Variants in DNAH5 observed in about 807,000 individuals in gnomAD.
The protein encoded by DNAH5 is dynein axonemal heavy chain 5.
DNAH5 carries 372 observed loss-of-function variants against 518.2 expected under a neutral mutation model. That is an observed-to-expected ratio of 0.72 (90% CI 0.66 to 0.78). DNAH5 has a LOEUF of 0.78. DNAH5 is among the 30% of genes least tolerant of loss of function. DNAH5 has a pLI of 0.00. For missense variants in DNAH5, 5,523 were observed against 5,687.0 expected, an observed-to-expected ratio of 0.97 and a Z score of 0.93; for synonymous variants, 2,039 against 2,025.9, an observed-to-expected ratio of 1.01 and a Z score of -0.17.
chr5:13,753,495 T>C lies in DNAH5; in HGVS notation c.10610A>G (p.Glu3537Gly), dbSNP rs1225937021. ...GTCATTTAACAGAAGATCACGAAAC[T>C]CTTGGTTAAATGGACCAGAATAAGA... Reference protein sequence around the residue: ...FLSYSGPFNQEFRDLLLNDWR... With the variant: ...FLSYSGPFNQGFRDLLLNDWR... Residue 3537 changes from glutamate (E) to glycine (G), a missense_variant, in exon 63 of 79, where the codon GAG becomes GGG. Transcript: ENST00000265104. 10 of 1,613,924 alleles carry C rather than the reference T, an allele frequency of 6.2e-6. No homozygotes were observed. Among genetic ancestry groups the C allele is most frequent in the African/African-American group, 1.3e-5 (1 of 74,914 alleles).
intron 65 of DNAH5, among the ~76,000 whole-genome samples, chr5:13,743,558 A>G (rs1748908344): frequency 6.6e-6 from 1 of 152,002 alleles, no homozygotes; most frequent in Non-Finnish European, 1.5e-5. Context: ...AAGCAGTTAC[A>G]AACTATTTAT....
In DNAH5 at chr5:13,735,743, G is replaced by A. The variant is rs193132831; in HGVS notation, c.11570+75C>T. On this transcript the variant is annotated intron_variant, in intron 67 of 78. Coordinates refer to ENST00000265104, the MANE Select transcript of DNAH5 (RefSeq NM_001369.3). ...AAGACTCTTACTAACAAAGGAGAAGGAAGTTATAAATGTAATGTCATCATT... is the reference window on the plus strand; with the variant it reads ...AAGACTCTTACTAACAAAGGAGAAGAAAGTTATAAATGTAATGTCATCATT... 1,068 of 1,112,266 alleles carry A rather than the reference G, an allele frequency of 9.6e-4. 9 individuals are homozygous for A. The African/African-American group carries it at 0.014, about 15-fold the overall frequency. 68.9% of individuals were successfully genotyped at this position (1,112,266 alleles called of 1,614,324 possible). A position where few individuals can be genotyped will look rare whatever the true frequency, so the allele number is the denominator to read the frequency against.
intron 2 of DNAH5, among the ~76,000 whole-genome samples, chr5:13,930,876 G>C (rs1237704285): frequency 6.6e-6 from 1 of 152,190 alleles, no homozygotes; most frequent in African/African-American, 2.4e-5. Flanking sequence ...TGCAGACAAT[G>C]CCATCAGAAT....
chr5:13,798,736 TTTATTTTATTTATTTATTTATTTATTTA>T lies in DNAH5; in HGVS notation c.7888-4706_7888-4679del, dbSNP rs1180421205. 3.0e-4 allele frequency among the ~76,000 whole-genome samples: 32 copies of T among 108,266 alleles called. 1 individual carries two copies. Among genetic ancestry groups the T allele is most frequent in the African/African-American group, 9.9e-4 (31 of 31,312 alleles). 71.0% of individuals were successfully genotyped at this position (108,266 alleles called of 152,430 possible). On this transcript the variant is annotated intron_variant, in intron 47 of 78. Transcript: ENST00000265104. ...AGTGTACATTTTCATCATGATTTTA[TTTATTTTATTTATTTATTTATTTATTTA>T]TTTATTTATTTATTTATTTATTTAT...
rs138046391 is a variant in DNAH5, at chr5:13,921,475, TCACACACACACACA to T, written c.660+618_660+631del. Among the ~76,000 whole-genome samples, 114 of 73,766 alleles carry T rather than the reference TCACACACACACACA, an allele frequency of 1.5e-3. 1 individual carries two copies. The highest frequency in any genetic ancestry group is 7.0e-3 in the Admixed American group (48 of 6,826). The allele number at this position is 73,766 out of a possible 152,430, so 48.4% of individuals were successfully genotyped here. A position where few individuals can be genotyped will look rare whatever the true frequency, so the allele number is the denominator to read the frequency against. ...CTCTCTCTCTTGCTCTATCTCTCTC[TCACACACACACACA>T]CACACACACACACACACACACACAC... On this transcript the variant is annotated intron_variant, in intron 5 of 78. Transcript: ENST00000265104.
At chr5:13,819,097 T>C (rs538218420) in intron 41 of DNAH5, among the ~76,000 whole-genome samples, 1 of 152,356 alleles carries the variant, frequency 6.6e-6, no homozygotes, top group Non-Finnish European at 1.5e-5. Context: ...ACTCATTTTG[T>C]TCGAGTCATT....
intron 78 of DNAH5, among the ~76,000 whole-genome samples, chr5:13,694,794 T>C (rs1056301556): frequency 1.3e-5 from 2 of 152,178 alleles, no homozygotes; most frequent in East Asian, 3.8e-4. Context: ...AGTTCACTCT[T>C]AACATACACT....
At chr5:13,888,726 T>C (rs1772764736) in intron 17 of DNAH5, among the ~76,000 whole-genome samples, 1 of 152,236 alleles carries the variant, frequency 6.6e-6, no homozygotes, top group African/African-American at 2.4e-5. Flanking sequence ...GCTGATAATA[T>C]CCTTTTGAAA....
chr5:13,771,263 G>T, intron 55 of DNAH5: 1 of 428,124 alleles, frequency 2.3e-6, no homozygotes, highest in Non-Finnish European at 4.3e-6. Flanking sequence ...TGCAGGTTCT[G>T]GTCAGCAGCC....
chr5:13,951,679 A>C (rs1780424679), intron 1 of DNAH5, among the ~76,000 whole-genome samples: 1 of 152,118 alleles, frequency 6.6e-6, no homozygotes, highest in Admixed American at 6.5e-5. Context: ...ACCAGCCTGC[A>C]CCCTCCTGTG....
At chr5:13,915,652 T>C (rs1030257336) in intron 9 of DNAH5, among the ~76,000 whole-genome samples, 7 of 152,108 alleles carry the variant, frequency 4.6e-5, no homozygotes, top group African/African-American at 1.2e-4. Context: ...CCAGGAAGAA[T>C]TGTGCTTCCT....
At chr5:13,866,862 A>G (rs1769330989) in intron 25 of DNAH5, among the ~76,000 whole-genome samples, 1 of 152,198 alleles carries the variant, frequency 6.6e-6, no homozygotes, top group African/African-American at 2.4e-5. Flanking sequence ...CCAGCATATT[A>G]TAATTGCCTG....
chr5:13,908,649 A>G (rs148805236), intron 12 of DNAH5, among the ~76,000 whole-genome samples: 51 of 152,184 alleles, frequency 3.4e-4, no homozygotes, highest in African/African-American at 1.2e-3. Flanking sequence ...CCCATCCTTT[A>G]CTAAGTAGTG....
intron 65 of DNAH5, among the ~76,000 whole-genome samples, chr5:13,737,788 G>A (rs993870844): frequency 2.6e-5 from 4 of 152,008 alleles, no homozygotes; most frequent in East Asian, 1.9e-4. Flanking sequence ...ATAGCTGGGC[G>A]TGGTGGCGCA....
chr5:13,981,672 G>T lies in DNAH5; in HGVS notation c.12+29976C>A, dbSNP rs181417731. 3.9e-5 allele frequency among the ~76,000 whole-genome samples: 6 copies of T among 152,342 alleles called. No homozygotes were observed. In the East Asian group the frequency reaches 1.2e-3, roughly 29 times the overall value. ...GAGGGTCCATCCATCCAGATGGTGG[G>T]GATGTCTGAATGGCTGTAGACTTCT... is the stretch of plus-strand genomic sequence containing the variant. On this transcript the variant is annotated intron_variant, in intron 1 of 78. Transcript: ENST00000681290.
intron 47 of DNAH5, among the ~76,000 whole-genome samples, chr5:13,798,744 ATTT>A (rs1758246679): frequency 3.5e-5 from 1 of 28,428 alleles, no homozygotes; most frequent in Non-Finnish European, 7.0e-5. Flanking sequence ...TATTTATTTT[ATTT>A]ATTTATTTAT....
intron 1 of DNAH5, among the ~76,000 whole-genome samples, chr5:13,943,384 C>G (rs1302774922): frequency 6.6e-6 from 1 of 152,168 alleles, no homozygotes; most frequent in East Asian, 1.9e-4. Context: ...TATAAGACAT[C>G]GAAGGAAAGT....
In DNAH5 at chr5:13,916,332, T is replaced by A; in HGVS notation, c.1197+16A>T. ...AAGAAATACAAATGAACATGGACTC[T>A]ACATCATGCACTTACCTTTACAAAC... is the stretch of plus-strand genomic sequence containing the variant. On this transcript the variant is annotated intron_variant, in intron 9 of 78. Coordinates refer to ENST00000265104, the MANE Select transcript of DNAH5 (RefSeq NM_001369.3). 7.6e-7 allele frequency: 1 copy of A among 1,315,280 alleles called. No individual in the cohort carries two copies. Among genetic ancestry groups the A allele is most frequent in the Non-Finnish European group, 1.1e-6 (1 of 911,828 alleles). The allele number at this position is 1,315,280 out of a possible 1,614,324, so 81.5% of individuals were successfully genotyped here. A position where few individuals can be genotyped will look rare whatever the true frequency, so the allele number is the denominator to read the frequency against.
At chr5:13,890,950 A>T in intron 17 of DNAH5, 26 bp downstream of exon 17, 1 of 1,613,682 alleles carries the variant, frequency 6.2e-7, no homozygotes. Flanking sequence ...AAAACCTTAA[A>T]CAAAAAAAAT....
Sources: allele counts gnomAD v4.1 joint callset (sites outside exome capture counted in the v4.1 genomes callset), GRCh38; gene constraint gnomAD v4.1.1; transcripts MANE v1.5; gene names NCBI Gene and HGNC (gene_info 2026-07-23, HGNC 2026-07-21).